Variants in ARHGEF1 observed in about 807,000 individuals in gnomAD.
The protein encoded by ARHGEF1 is Rho guanine nucleotide exchange factor 1.
ARHGEF1 carries 40 observed loss-of-function variants against 119.7 expected under a neutral mutation model. The ratio of observed to expected loss-of-function variants is 0.33; its 90% CI spans 0.26 to 0.44. ARHGEF1 has a LOEUF of 0.44. ARHGEF1 is among the 20% of genes least tolerant of loss of function. ARHGEF1 has a pLI of 1.00. For missense variants in ARHGEF1, 976 were observed against 1,268.3 expected, an observed-to-expected ratio of 0.77 and a Z score of 3.50; for synonymous variants, 494 against 521.0, an observed-to-expected ratio of 0.95 and a Z score of 0.71.
upstream of ARHGEF1, among the ~76,000 whole-genome samples, chr19:41,918,679 CCA>C (rs782291568): frequency 5.0e-4 from 74 of 149,380 alleles, no homozygotes; most frequent in Admixed American, 2.7e-3. Context: ...CACAGACACA[CCA>C]CACACACCAC....
intron 18 of ARHGEF1, among the ~76,000 whole-genome samples, chr19:41,913,850 A>C (rs1330230845): frequency 7.1e-6 from 1 of 140,700 alleles, no homozygotes; most frequent in African/African-American, 2.7e-5. Flanking sequence ...CTCCGCAGAC[A>C]CACGCTGCCC....
At position 41,907,437 on chromosome 19, in the gene ARHGEF1, A is replaced by G. The variant is rs765836633; in HGVS notation, c.*350A>G. The G allele has an allele frequency of 6.6e-7, 1 of 1,520,674 alleles. No individual in the cohort carries two copies. Among genetic ancestry groups the G allele is most frequent in the Non-Finnish European group, 8.8e-7 (1 of 1,139,202 alleles). 94.2% of individuals were successfully genotyped at this position (1,520,674 alleles called of 1,614,324 possible). A position where few individuals can be genotyped will look rare whatever the true frequency, so the allele number is the denominator to read the frequency against. On this transcript the variant is annotated 3_prime_UTR_variant, in exon 29 of 29. Coordinates refer to ENST00000354532, the MANE Select transcript of ARHGEF1 (RefSeq NM_004706.4). ...GAATTGGAGGTTTATTTTTTAATAT[A>G]TATTATCTAAGAAGAGATCTGTGTG...
At chr19:41,913,909 AC>A (rs782112313) in intron 18 of ARHGEF1, among the ~76,000 whole-genome samples, 1 of 129,638 alleles carries the variant, frequency 7.7e-6, no homozygotes, top group Non-Finnish European at 1.7e-5. Context: ...CCTCACTGCC[AC>A]CCTCACACCC....
At chr19:41,896,847 C>G (rs1244997074) in intron 13 of ARHGEF1, 1 of 332,734 alleles carries the variant, frequency 3.0e-6, no homozygotes, top group East Asian at 9.2e-5. Context: ...CTCACCTCCC[C>G]CCTCCTCTCT....
In ARHGEF1 at chr19:41,906,011, C is replaced by T. The variant is rs782140321; in HGVS notation, c.2477C>T (p.Thr826Met). The T allele has an allele frequency of 1.5e-5, 24 of 1,613,860 alleles. No individual in the cohort carries two copies. Among genetic ancestry groups the T allele is most frequent in the Middle Eastern group, 1.6e-4 (1 of 6,078 alleles). ...GGCCCCGAGGGCCAGCTCGCTGCCA[C>T]GGCCCTTCGGAAAGGTAGCCCAGCT... ...RPGPEGQLAA[T>M]ALRKVLSLKQ... is the part of the protein sequence containing the mutation. Residue 826 changes from threonine to methionine, a missense_variant, in exon 26 of 29, where the codon ACG (threonine) becomes ATG (methionine). Physicochemically the swap from Thr to Met is moderately conservative, Grantham distance 81. Around this residue, in one of 3 missense-constraint regions of ARHGEF1, gnomAD observed 171 missense variants for 180.6 expected, o/e 0.95. Transcript: ENST00000354532. The surrounding 1 kb of genome is among the most constrained non-coding windows in gnomAD (Gnocchi z 4.5).
upstream of ARHGEF1, among the ~76,000 whole-genome samples, chr19:41,921,482 G>T (rs551805496): frequency 6.6e-6 from 1 of 152,078 alleles, no homozygotes; most frequent in Non-Finnish European, 1.5e-5. The surrounding 1 kb of genome is among the most constrained non-coding windows in gnomAD (Gnocchi z 4.4). Context: ...ACATGCACAC[G>T]CAGAGAGAAG....
upstream of ARHGEF1, among the ~76,000 whole-genome samples, chr19:41,918,704 C>T (rs1245034381): frequency 6.7e-6 from 1 of 149,610 alleles, no homozygotes; most frequent in Non-Finnish European, 1.5e-5. Flanking sequence ...ATCCGCCACA[C>T]ACCACACACA....
rs1555849214 is a variant in ARHGEF1 at position 41,902,433 on chromosome 19, T to A, written c.1497+77T>A. On this transcript the variant is annotated intron_variant, in intron 16 of 28. Transcript: ENST00000354532. The surrounding 1 kb of genome is among the most constrained non-coding windows in gnomAD (Gnocchi z 6.5). ...CCCGGGACGGGTCCTGAGCCCACCC[T>A]ACTCCAGTCCCAGGGTCTGGGCTTC... The A allele has an allele frequency of 4.3e-6, 7 of 1,611,518 alleles. No homozygotes were observed. Among genetic ancestry groups the A allele is most frequent in the Non-Finnish European group, 4.2e-6 (5 of 1,178,748 alleles).
rs1227277855 is a variant in ARHGEF1, at chr19:41,916,100, G to A, written c.1866-6992G>A. On this transcript the variant is annotated intron_variant, in intron 18 of 20. Transcript: ENST00000599589. The surrounding 1 kb of genome is among the most constrained non-coding windows in gnomAD (Gnocchi z 5.4). ...TGTGAGCGAAGCGGTGTGCAGAGGC[G>A]CTGGGCAGGCGAGGGCCCTCCTCCC... is the stretch of plus-strand genomic sequence containing the variant. Among the ~76,000 whole-genome samples, 5 of 151,914 alleles carry A rather than the reference G, an allele frequency of 3.3e-5. No individual in the cohort carries two copies. The highest frequency in any genetic ancestry group is 1.3e-4 in the Admixed American group (2 of 15,272).
At chr19:41,910,462 C>T (rs2074745503), downstream of ARHGEF1, among the ~76,000 whole-genome samples, 1 of 152,048 alleles carries the variant, frequency 6.6e-6, no homozygotes, top group Admixed American at 6.5e-5. The surrounding 1 kb of genome is among the most constrained non-coding windows in gnomAD (Gnocchi z 4.4). Flanking sequence ...CTCTCACTGC[C>T]CCCAGCCAGC....
In ARHGEF1 at chr19:41,906,976, T is replaced by G. The variant is rs1415193513; in HGVS notation, c.*18-129T>G. Reference sequence around the variant, plus strand: ...CTGTTTCTGATAATCTGTTTCTCTGTCTCTGTGCCCGCCTGCCTCTCCCCA... The same window carrying G: ...CTGTTTCTGATAATCTGTTTCTCTGGCTCTGTGCCCGCCTGCCTCTCCCCA... On this transcript the variant is annotated intron_variant, in intron 28 of 28. Transcript: ENST00000354532. This position sits in a 1 kb window ranked among gnomAD's most constrained non-coding sequence, Gnocchi z 4.5. 1 of 1,006,872 alleles carries G rather than the reference T, an allele frequency of 9.9e-7. No homozygotes were observed. The highest frequency in any genetic ancestry group is 1.6e-5 in the African/African-American group (1 of 61,142). 62.4% of individuals were successfully genotyped at this position (1,006,872 alleles called of 1,614,324 possible).
At chr19:41,920,318 CCAGACGTGACACACT>C (rs1440853602), upstream of ARHGEF1, among the ~76,000 whole-genome samples, 13 of 141,228 alleles carry the variant, frequency 9.2e-5, no homozygotes, top group African/African-American at 2.1e-4. Context: ...CATGACATGC[CCAGACGTGACACACT>C]CAGACGTGAT....
intron 1 of ARHGEF1, chr19:41,928,786 C>A (rs1555853567): frequency 5.1e-6 from 2 of 394,544 alleles, no homozygotes; most frequent in Admixed American, 2.6e-5. Context: ...GGAGAGACCC[C>A]CCTCCTCTCC....
Position 41,902,497 on chromosome 19 carries a change from C to T in ARHGEF1, c.1498-36C>T. Reference sequence around the variant, plus strand: ...TTTAGTCCCTGTTCTTGCCCATCCCCACTGAGACACCTGCCTGGCCTGAAT... The same window carrying T: ...TTTAGTCCCTGTTCTTGCCCATCCCTACTGAGACACCTGCCTGGCCTGAAT... On this transcript the variant is annotated intron_variant, in intron 16 of 28. Coordinates refer to ENST00000354532, the MANE Select transcript of ARHGEF1 (RefSeq NM_004706.4). This position sits in a 1 kb window ranked among gnomAD's most constrained non-coding sequence, Gnocchi z 6.5. 1 of 1,613,606 alleles carries T rather than the reference C, an allele frequency of 6.2e-7. No individual in the cohort carries two copies. The highest frequency in any genetic ancestry group is 1.3e-5 in the African/African-American group (1 of 75,068).
intron 13 of ARHGEF1, chr19:41,898,043 C>T (rs1449116439): frequency 6.0e-6 from 8 of 1,337,120 alleles, no homozygotes; most frequent in Admixed American, 3.6e-5. Context: ...GGGTGGGGGC[C>T]GCTCCCGGAG....
At chr19:41,887,543 G>A (rs1555845405) in intron 1 of ARHGEF1, among the ~76,000 whole-genome samples, 1 of 152,114 alleles carries the variant, frequency 6.6e-6, no homozygotes, top group African/African-American at 2.4e-5. Context: ...GTTGGGGGTT[G>A]GGGGTTTGCC....
intron 4 of ARHGEF1, chr19:41,890,785 G>C (rs1051993480): frequency 1.3e-5 from 2 of 151,752 alleles, no homozygotes; most frequent in Non-Finnish European, 2.9e-5. Context: ...AATTAGCCAG[G>C]CCTGGTGGTA....
chr19:41,884,978 C>G (rs1568806365), intron 1 of ARHGEF1, among the ~76,000 whole-genome samples: 1 of 152,148 alleles, frequency 6.6e-6, no homozygotes, highest in Non-Finnish European at 1.5e-5. Context: ...TCCAGAAGTT[C>G]TTGGAGACCC....
exon 3 of ARHGEF1, chr19:41,930,114 C>T (rs1308273359): frequency 6.6e-6 from 1 of 152,232 alleles, no homozygotes; most frequent in Non-Finnish European, 1.5e-5. Context: ...CGAATAATCT[C>T]ATTAAAAATA....
Sources: gnomAD v4.1 joint callset for allele counts (sites outside exome capture counted in the v4.1 genomes callset) on GRCh38, gnomAD v4.1.1 for gene constraint, gnomAD v4.1.1 regional missense constraint, Gnocchi (gnomAD v3.1) non-coding constraint, MANE v1.5 for transcripts, NCBI Gene and HGNC (gene_info 2026-07-23, HGNC 2026-07-21) for gene names.